Variants in THRAP3 observed in about 807,000 individuals in gnomAD.
THRAP3 encodes the protein thyroid hormone receptor-associated protein 3.
A neutral mutation model predicts 101.0 loss-of-function variants in THRAP3; 16 were observed. The observed-to-expected ratio is 0.16, with a 90% CI of 0.11 to 0.24. The LOEUF (loss-of-function observed/expected upper bound fraction) is 0.24, where lower values mean the gene tolerates loss of function less well. Ranked by LOEUF, THRAP3 falls within the 10% of genes least tolerant of loss-of-function variation. THRAP3 has a pLI of 1.00. For missense variants in THRAP3, 989 were observed against 1,202.7 expected, an observed-to-expected ratio of 0.82 and a Z score of 2.63; for synonymous variants, 407 against 422.6, an observed-to-expected ratio of 0.96 and a Z score of 0.45.
At chr1:36,256,986 G>T (rs538962812) in intron 1 of THRAP3, among the ~76,000 whole-genome samples, 1 of 152,036 alleles carries the variant, frequency 6.6e-6, no homozygotes, top group Non-Finnish European at 1.5e-5. Flanking sequence ...TAGTAAAGAC[G>T]GGGTTTCTCC....
chr1:36,287,140 C>A lies in THRAP3; in HGVS notation c.910C>A (p.His304Asn). ...TGGGACACACCAAGGTCAGTTCGAC[C>A]ATGGTTCTGGGTCCCTGAGTCCATC... ...QSGTHQGQFD[H>N]GSGSLSPSKK... Residue 304 changes from histidine (H) to asparagine (N), a missense_variant, in exon 4 of 12, where the codon CAT becomes AAT. By Grantham distance (68) the His-to-Asn change is moderately conservative (BLOSUM62 1). Transcript: ENST00000354618. 1 of 1,614,144 alleles carries A rather than the reference C, an allele frequency of 6.2e-7. No homozygotes were observed. Among genetic ancestry groups the A allele is most frequent in the Non-Finnish European group, 8.5e-7 (1 of 1,180,038 alleles).
intron 2 of THRAP3, among the ~76,000 whole-genome samples, chr1:36,268,270 A>T (rs1238870093): frequency 6.6e-6 from 1 of 151,152 alleles, no homozygotes; most frequent in African/African-American, 2.4e-5. Flanking sequence ...TGTGCAGTTT[A>T]GTATGAATTT....
intron 1 of THRAP3, among the ~76,000 whole-genome samples, chr1:36,248,838 T>TG (rs539537275): frequency 2.0e-5 from 3 of 152,190 alleles, no homozygotes; most frequent in East Asian, 3.9e-4. Flanking sequence ...TACCAGGCAT[T>TG]GCGTTAGGTG....
At chr1:36,241,385 G>GTGTATATATA (rs1428746725) in intron 1 of THRAP3, among the ~76,000 whole-genome samples, 1 of 8,654 alleles carries the variant, frequency 1.2e-4, no homozygotes, top group African/African-American at 1.5e-4. Flanking sequence ...GATAATGGGT[G>GTGTATATATA]TATATATATA....
rs201310745 is a variant in THRAP3 at position 36,289,784 on chromosome 1, G to A, written c.1745+20G>A. On this transcript the variant is annotated intron_variant, in intron 5 of 11. Coordinates refer to ENST00000354618, the MANE Select transcript of THRAP3 (RefSeq NM_005119.4). ...CGCACGGTGAGATATGCTCCTTCTT[G>A]ATCCTCAGTGCTTTAGTGGCCTAAG... 1 of 1,575,354 alleles carries A rather than the reference G, an allele frequency of 6.3e-7. No individual in the cohort carries two copies. Among genetic ancestry groups the A allele is most frequent in the South Asian group, 1.2e-5 (1 of 83,838 alleles).
intron 1 of THRAP3, among the ~76,000 whole-genome samples, chr1:36,253,328 T>G (rs372486801): frequency 1.2e-4 from 18 of 152,286 alleles, no homozygotes; most frequent in East Asian, 1.2e-3. Flanking sequence ...TGGAAGCTCC[T>G]TAGCTGCACA....
chr1:36,244,529 G>A (rs765405739), intron 1 of THRAP3, among the ~76,000 whole-genome samples: 4 of 152,050 alleles, frequency 2.6e-5, no homozygotes, highest in East Asian at 1.9e-4. Context: ...CTTAGATTTC[G>A]TAGTCACTTA....
intron 1 of THRAP3, among the ~76,000 whole-genome samples, chr1:36,243,156 T>C (rs995496043): frequency 1.4e-5 from 2 of 143,880 alleles, no homozygotes; most frequent in African/African-American, 5.7e-5. Flanking sequence ...ACTTTCTTTT[T>C]TTTTTTTTTT....
chr1:36,253,760 ATT>A (rs58306701), intron 1 of THRAP3, among the ~76,000 whole-genome samples: 3 of 100,236 alleles, frequency 3.0e-5, no homozygotes, highest in Admixed American at 1.1e-4. Context: ...AGTCAGGCTA[ATT>A]TTTTTTTTTT....
chr1:36,237,607 C>A (rs561584743), intron 1 of THRAP3, among the ~76,000 whole-genome samples: 56 of 151,946 alleles, frequency 3.7e-4, no homozygotes, highest in Non-Finnish European at 6.9e-4. Context: ...CCCCTCTCTA[C>A]TAAAAATACA....
At chr1:36,297,204 G>A (rs1645964177) in intron 9 of THRAP3, among the ~76,000 whole-genome samples, 1 of 152,144 alleles carries the variant, frequency 6.6e-6, no homozygotes. Flanking sequence ...GATCTTAAGT[G>A]CCTTTTAAAC....
intron 1 of THRAP3, among the ~76,000 whole-genome samples, chr1:36,232,817 AT>A (rs1264264603): frequency 6.6e-5 from 10 of 151,494 alleles, no homozygotes; most frequent in African/African-American, 2.4e-4. Context: ...TGATAGAAAT[AT>A]TCTGTTTTGG....
chr1:36,229,099 AT>A (rs992046665), intron 1 of THRAP3, among the ~76,000 whole-genome samples: 6 of 151,660 alleles, frequency 4.0e-5, no homozygotes, highest in Admixed American at 6.6e-5. Context: ...AAGGGAACTA[AT>A]TTTTTTTTAT....
chr1:36,219,911 T>C (rs1323138661), upstream of THRAP3, among the ~76,000 whole-genome samples: 1 of 152,226 alleles, frequency 6.6e-6, no homozygotes, highest in Non-Finnish European at 1.5e-5. Context: ...TCATTTACCA[T>C]TCTGAAAATC....
intron 6 of THRAP3, among the ~76,000 whole-genome samples, chr1:36,292,223 C>T (rs1165811176): frequency 7.2e-6 from 1 of 139,028 alleles, no homozygotes; most frequent in East Asian, 2.3e-4. Context: ...AGAGTTAAAA[C>T]ATTGTGTCTG....
intron 1 of THRAP3, among the ~76,000 whole-genome samples, chr1:36,243,934 C>T (rs1271125287): frequency 9.0e-6 from 1 of 111,390 alleles, no homozygotes; most frequent in Admixed American, 8.4e-5. Flanking sequence ...CTGACCCCCC[C>T]ACCTCCCTCC....
At chr1:36,287,482 A>C (rs1176715939) in intron 4 of THRAP3, 5 of 985,260 alleles carry the variant, frequency 5.1e-6, no homozygotes, top group African/African-American at 3.5e-5. Context: ...TGCAGCATAA[A>C]CTTTCTTTAG....
intron 1 of THRAP3, among the ~76,000 whole-genome samples, chr1:36,249,385 G>C (rs1262923054): frequency 1.3e-5 from 2 of 151,832 alleles, no homozygotes; most frequent in African/African-American, 4.8e-5. Context: ...TAGAGACAGG[G>C]TTTCACCGTG....
intron 2 of THRAP3, among the ~76,000 whole-genome samples, chr1:36,278,688 C>T (rs1300110076): frequency 6.6e-6 from 1 of 152,126 alleles, no homozygotes; most frequent in East Asian, 1.9e-4. Context: ...CTTTGGGAGG[C>T]CGAGGTGGGC....
Sources: allele counts gnomAD v4.1 joint callset (sites outside exome capture counted in the v4.1 genomes callset), GRCh38; gene constraint gnomAD v4.1.1; transcripts MANE v1.5; gene names NCBI Gene and HGNC (gene_info 2026-07-23, HGNC 2026-07-21).